SLCO1B1: variants seen among roughly 807,000 people sequenced by gnomAD.
SLCO1B1 encodes the protein OATP-2.
A neutral mutation model predicts 70.1 loss-of-function variants in SLCO1B1; 81 were observed. The ratio of observed to expected loss-of-function variants is 1.16; its 90% CI spans 0.97 to 1.39. The LOEUF is 1.39. SLCO1B1 is among the 40% of genes most tolerant of loss of function. The probability of loss-of-function intolerance (pLI) is 0.00; values close to 1 mark genes in which losing one functional copy is unlikely to be tolerated. For synonymous variants in SLCO1B1, 283 were observed against 271.5 expected, an observed-to-expected ratio of 1.04 and a Z score of -0.42; for missense variants, 895 against 799.6, an observed-to-expected ratio of 1.12 and a Z score of -1.44.
Position 21,238,990 on chromosome 12 carries a change from T to A in SLCO1B1, c.1877T>A (p.Leu626Ter), listed in dbSNP as rs183624077. The change falls in exon 15 of 15, where the codon TTG (leucine) becomes TAG (stop). Residue 626 changes from leucine (L) to a stop codon, truncating the protein, a stop_gained. Coordinates refer to ENST00000256958, the MANE Select transcript of SLCO1B1 (RefSeq NM_006446.5). LOFTEE classifies it low-confidence loss of function (END_TRUNC). Reference sequence around the variant, plus strand: ...CTCTATTTCTACAGAAGGGTCTACTTGGGCTTGTCTTCAATGTTAAGAGTC... The same window carrying A: ...CTCTATTTCTACAGAAGGGTCTACTAGGGCTTGTCTTCAATGTTAAGAGTC... Reference protein sequence around the residue: ...YNSTSFSRVYLGLSSMLRVSS... With the variant: ...YNSTSFSRVY The A allele has an allele frequency of 5.2e-5, 81 of 1,568,306 alleles. 1 individual carries two copies. The East Asian group carries it at 1.6e-3, about 32-fold the overall frequency.
chr12:21,197,538 C>A (rs900608578), intron 8 of SLCO1B1, among the ~76,000 whole-genome samples: 3 of 151,984 alleles, frequency 2.0e-5, no homozygotes, highest in African/African-American at 7.2e-5. Flanking sequence ...ATTTATTCAA[C>A]AAGTAGTACC....
At position 21,134,214 on chromosome 12, in the gene SLCO1B1, G is replaced by T. The variant is rs140132651; in HGVS notation, c.-62+2978G>T. On this transcript the variant is annotated intron_variant, in intron 1 of 14. Transcript: ENST00000256958. Reference sequence around the variant, plus strand: ...GGTCATGTTGGATAAGCTTTTTGATGTGCTGTTGGATTTGGTTTGCCAGTA... The same window carrying T: ...GGTCATGTTGGATAAGCTTTTTGATTTGCTGTTGGATTTGGTTTGCCAGTA... Among the ~76,000 whole-genome samples the T allele has an allele frequency of 5.5e-3, 837 of 152,258 alleles. 18 individuals are homozygous for T. In the East Asian group the frequency reaches 0.08, roughly 14 times the overall value.
intron 3 of SLCO1B1, among the ~76,000 whole-genome samples, chr12:21,173,720 A>G (rs939578741): frequency 7.1e-6 from 1 of 140,604 alleles, no homozygotes; most frequent in Non-Finnish European, 1.5e-5. Context: ...CTTAACTGCT[A>G]TTTGTTTATT....
intron 14 of SLCO1B1, 28 bp from the exon 15 acceptor site, chr12:21,238,951 T>C (rs367809480): frequency 1.5e-6 from 2 of 1,366,136 alleles, no homozygotes; most frequent in Non-Finnish European, 2.1e-6. Flanking sequence ...TAAACTGATT[T>C]ATTGTTTTAT....
At chr12:21,234,568 C>A (rs1230468204) in intron 14 of SLCO1B1, among the ~76,000 whole-genome samples, 2 of 151,988 alleles carry the variant, frequency 1.3e-5, no homozygotes, top group African/African-American at 4.8e-5. Flanking sequence ...GGCTTACACC[C>A]AGAAATCAAC....
intron 1 of SLCO1B1, among the ~76,000 whole-genome samples, chr12:21,131,537 T>G (rs375001936): frequency 2.0e-5 from 3 of 152,086 alleles, no homozygotes; most frequent in South Asian, 2.1e-4. Flanking sequence ...AAAATGAAGC[T>G]CTAGTTACCT....
At chr12:21,142,277 G>A (rs947839705) in intron 2 of SLCO1B1, among the ~76,000 whole-genome samples, 10 of 151,832 alleles carry the variant, frequency 6.6e-5, no homozygotes, top group African/African-American at 2.4e-4. Flanking sequence ...ATACAGTTGA[G>A]GTATTAAGTG....
chr12:21,219,452 C>T (rs939547815), intron 12 of SLCO1B1, among the ~76,000 whole-genome samples: 2 of 152,154 alleles, frequency 1.3e-5, no homozygotes, highest in Non-Finnish European at 2.9e-5. Flanking sequence ...AGCAAGAGAG[C>T]TAGCCTAGTT....
At chr12:21,234,304 A>T (rs148266763) in intron 14 of SLCO1B1, among the ~76,000 whole-genome samples, 1 of 152,296 alleles carries the variant, frequency 6.6e-6, no homozygotes, top group East Asian at 1.9e-4. Flanking sequence ...CAGGATCTGC[A>T]AAATATATCA....
rs2121085458 is a variant in SLCO1B1, at chr12:21,165,338, G to A, written c.85-7312G>A. On this transcript the variant is annotated intron_variant, in intron 2 of 14. Coordinates refer to ENST00000256958, the MANE Select transcript of SLCO1B1 (RefSeq NM_006446.5). Reference sequence around the variant, plus strand: ...GGAGACGGTAGCTCAAACTGAGGATGAAAATAGACATTTATCAAGGTTATT... The same window carrying A: ...GGAGACGGTAGCTCAAACTGAGGATAAAAATAGACATTTATCAAGGTTATT... 1.3e-5 allele frequency among the ~76,000 whole-genome samples: 2 copies of A among 152,146 alleles called. 1 individual carries two copies. Among genetic ancestry groups the A allele is most frequent in the Non-Finnish European group, 2.9e-5 (2 of 67,966 alleles).
intron 2 of SLCO1B1, among the ~76,000 whole-genome samples, chr12:21,143,669 G>A (rs1486055732): frequency 2.0e-5 from 3 of 151,974 alleles, no homozygotes. Flanking sequence ...TCTGAACTCA[G>A]GCAATCTGAT....
chr12:21,142,738 G>A (rs781527022), intron 2 of SLCO1B1, among the ~76,000 whole-genome samples: 5 of 152,008 alleles, frequency 3.3e-5, no homozygotes, highest in Non-Finnish European at 7.4e-5. Flanking sequence ...ATATTCTAAG[G>A]ATAATATAAT....
At chr12:21,213,737 C>T (rs1348138271) in intron 11 of SLCO1B1, among the ~76,000 whole-genome samples, 1 of 145,746 alleles carries the variant, frequency 6.9e-6, no homozygotes, top group African/African-American at 2.5e-5. Context: ...CACATAGTCC[C>T]ATATTTCTTG....
chr12:21,192,441 T>A (rs12307624), intron 7 of SLCO1B1, among the ~76,000 whole-genome samples: 1,572 of 152,032 alleles, frequency 0.01, 34 homozygotes, highest in South Asian at 0.039. Context: ...ATGTCTCTAC[T>A]TTCAGCTCTT....
intron 14 of SLCO1B1, among the ~76,000 whole-genome samples, chr12:21,230,985 A>G (rs1482008870): frequency 2.8e-5 from 2 of 70,438 alleles, no homozygotes; most frequent in Non-Finnish European, 5.1e-5. Context: ...CCCCCACCCC[A>G]CGACAGGCCC....
chr12:21,230,448 A>T (rs1443971109), intron 14 of SLCO1B1, among the ~76,000 whole-genome samples: 1 of 148,804 alleles, frequency 6.7e-6, no homozygotes, highest in Non-Finnish European at 1.5e-5. Context: ...CTCCTGCCTC[A>T]GCCTCCCGAG....
chr12:21,208,273 C>G (rs895371830), intron 11 of SLCO1B1, among the ~76,000 whole-genome samples: 3 of 152,032 alleles, frequency 2.0e-5, no homozygotes, highest in Non-Finnish European at 4.4e-5. Context: ...TTAGGTTTTA[C>G]ATTTCAGTCT....
Position 21,165,168 on chromosome 12 carries a change from C to T in SLCO1B1, c.85-7482C>T, listed in dbSNP as rs965693767. On this transcript the variant is annotated intron_variant, in intron 2 of 14. Transcript: ENST00000256958. ...AACTATTGCCATAATAAATTAATGA[C>T]CGATCTGCCATGATTGCAGGCAAGT... Among the ~76,000 whole-genome samples the T allele has an allele frequency of 4.6e-5, 7 of 152,248 alleles. No individual in the cohort carries two copies. The South Asian group carries it at 1.2e-3, about 27-fold the overall frequency.
chr12:21,132,742 A>C (rs1448337314), intron 1 of SLCO1B1, among the ~76,000 whole-genome samples: 1 of 152,202 alleles, frequency 6.6e-6, no homozygotes. Context: ...GCCTTTTGTC[A>C]GATGAGTAGG....
Sources: gnomAD v4.1 joint callset for allele counts (sites outside exome capture counted in the v4.1 genomes callset) on GRCh38, gnomAD v4.1.1 for gene constraint, MANE v1.5 for transcripts, NCBI Gene and HGNC (gene_info 2026-07-23, HGNC 2026-07-21) for gene names.